Variants in ABCA10 observed in about 807,000 individuals in gnomAD.
ABCA10 encodes the protein ATP binding cassette subfamily A member 10, also known as ATP-binding cassette sub-family A member 10.
Under a neutral mutation model 187.5 loss-of-function variants are expected in ABCA10, and 169 were observed. The observed-to-expected ratio is 0.90, with a 90% CI of 0.80 to 1.02. The LOEUF (loss-of-function observed/expected upper bound fraction) is 1.02. ABCA10 is among the 50% of genes least tolerant of loss of function. The pLI, the probability that ABCA10 is intolerant of heterozygous loss-of-function variation, is 0.00. For synonymous variants in ABCA10, 574 were observed against 601.8 expected (o/e 0.95, Z 0.68); for missense variants, 1,727 against 1,812.4 (o/e 0.95, Z 0.86).
At position 69,217,790 on chromosome 17, in the gene ABCA10, T is replaced by C. The variant is rs529612398; in HGVS notation, c.531-1432A>G. Among the ~76,000 whole-genome samples, 17 of 152,306 alleles carry C rather than the reference T, an allele frequency of 1.1e-4. No homozygotes were observed. The South Asian group carries it at 3.5e-3, about 32-fold the overall frequency. Reference sequence around the variant, plus strand: ...ACTTGCATTTGGCAATGGGTTCTTATAAAAATTTAAAGACCAAAATTCACA... The same window carrying C: ...ACTTGCATTTGGCAATGGGTTCTTACAAAAATTTAAAGACCAAAATTCACA... On this transcript the variant is annotated intron_variant, in intron 6 of 38. Coordinates refer to ENST00000690296, the MANE Select transcript of ABCA10 (RefSeq NM_001377321.1).
intron 8 of ABCA10, among the ~76,000 whole-genome samples, chr17:69,215,111 A>G (rs1411275720): frequency 2.0e-5 from 3 of 152,204 alleles, no homozygotes; most frequent in Non-Finnish European, 4.4e-5. Context: ...TTTAACAAAG[A>G]AAATATGGAG....
rs769832493 is a variant in ABCA10, at chr17:69,155,868, ATCT to A, written c.3510_3512del (p.Glu1170del). On this transcript the variant is annotated inframe_deletion, in exon 29 of 39. Transcript: ENST00000690296. ...GGACTCTTTCAGCTTGAACATCTTC[ATCT>A]TCTTCTTCGGGCTCTTCCGGATTGG... is the stretch of plus-strand genomic sequence containing the variant. The A allele has an allele frequency of 2.7e-5, 44 of 1,613,644 alleles. No individual in the cohort carries two copies. Among genetic ancestry groups the A allele is most frequent in the Middle Eastern group, 1.6e-4 (1 of 6,076 alleles).
intron 11 of ABCA10, chr17:69,196,178 G>C (rs542742094): frequency 6.3e-6 from 1 of 158,066 alleles, no homozygotes; most frequent in Non-Finnish European, 1.4e-5. Context: ...CGGACTGGGC[G>C]GCTGGCCGGG....
chr17:69,164,111 T>C lies in ABCA10; in HGVS notation c.3326A>G (p.Asn1109Ser). ...RNLDSLDNRI[N>S]EVNKTILLTT... ...TAAAAGAATGGTTTTATTGACTTCA[T>C]TTATTCTATTGTCCAGACTGTCCAA... The change falls in exon 27 of 39, where the codon AAT becomes AGT. Residue 1109 changes from asparagine to serine, a missense_variant. Asn to Ser is a conservative substitution (Grantham distance 46). Coordinates refer to ENST00000690296, the MANE Select transcript of ABCA10 (RefSeq NM_001377321.1). The C allele has an allele frequency of 6.3e-7, 1 of 1,591,366 alleles. No homozygotes were observed. The highest frequency in any genetic ancestry group is 8.5e-7 in the Non-Finnish European group (1 of 1,172,460).
chr17:69,223,584 T>A, intron 3 of ABCA10: 1 of 374,890 alleles, frequency 2.7e-6, no homozygotes, highest in Non-Finnish European at 5.2e-6. Context: ...GGGTGAAATC[T>A]ACATTAAGAT....
At chr17:69,166,204 C>A (rs867491503) in intron 25 of ABCA10, among the ~76,000 whole-genome samples, 2 of 152,088 alleles carry the variant, frequency 1.3e-5, no homozygotes, top group South Asian at 4.1e-4. Flanking sequence ...TAAAAAGTGG[C>A]TTCTCATGGT....
intron 27 of ABCA10, 122 bp downstream of exon 27, chr17:69,163,952 G>T: frequency 1.6e-6 from 1 of 634,010 alleles, no homozygotes; most frequent in South Asian, 3.2e-5. Flanking sequence ...CATTATATTG[G>T]AATGGAAAAT....
At chr17:69,170,556 T>G (rs1411606751) in intron 25 of ABCA10, among the ~76,000 whole-genome samples, 2 of 152,164 alleles carry the variant, frequency 1.3e-5, no homozygotes, top group African/African-American at 2.4e-5. Flanking sequence ...TTCTGCATTC[T>G]ATATTTATTC....
At chr17:69,188,011 A>T (rs2074435085) in intron 18 of ABCA10, 132 bp from the exon 19 acceptor site, 1 of 774,520 alleles carries the variant, frequency 1.3e-6, no homozygotes, top group African/African-American at 1.8e-5. Flanking sequence ...CATAATCAAA[A>T]TTTACGTTAA....
chr17:69,182,960 C>T, intron 20 of ABCA10, 152 bp from the exon 21 acceptor site: 8 of 835,132 alleles, frequency 9.6e-6, no homozygotes, highest in Non-Finnish European at 1.4e-5. Flanking sequence ...CAATACTATT[C>T]ATTCTGATGC....
intron 21 of ABCA10, 23 bp downstream of exon 21, chr17:69,182,652 A>C (rs780445298): frequency 1.9e-5 from 30 of 1,548,216 alleles, no homozygotes; most frequent in Admixed American, 6.4e-5. Flanking sequence ...CCAAAAAAAA[A>C]CAGTGCATAG....
rs1424906263 is a variant in ABCA10, at chr17:69,221,878, G to A, written c.217C>T (p.His73Tyr). Residue 73 changes from histidine to tyrosine, a missense_variant, in exon 5 of 39, where the codon CAT becomes TAT. His to Tyr is a moderately conservative substitution (Grantham distance 83, BLOSUM62 2). Coordinates refer to ENST00000690296, the MANE Select transcript of ABCA10 (RefSeq NM_001377321.1). ...SEYTEHCWAM[H>Y]GEIFCYLAKY... ...GCCAAGTAACAAAAAATTTCACCATGCATGGCCCAACAGTGTTCTTTAAGG... is the reference window on the plus strand; with the variant it reads ...GCCAAGTAACAAAAAATTTCACCATACATGGCCCAACAGTGTTCTTTAAGG... 1 of 1,612,642 alleles carries A rather than the reference G, an allele frequency of 6.2e-7. No individual in the cohort carries two copies. The highest frequency in any genetic ancestry group is 1.3e-5 in the African/African-American group (1 of 74,876).
chr17:69,164,425 T>C (rs1421855465), intron 26 of ABCA10, among the ~76,000 whole-genome samples: 2 of 152,188 alleles, frequency 1.3e-5, no homozygotes, highest in African/African-American at 4.8e-5. Context: ...TACAGAACTA[T>C]GAAGTAGGCA....
In ABCA10 at chr17:69,153,328, G is replaced by A. The variant is rs749842617; in HGVS notation, c.4113C>T (p.Asp1371=). ...VLLDEPFTGM[D]PEGQQQMWQI... ...ACCACATTTGCTGCTGCCCCTCGGG[G>A]TCCATCCCGGTGAACGGCTCATCTA... is the stretch of plus-strand genomic sequence containing the variant. Residue 1371 remains aspartate (D), a synonymous_variant, in exon 34 of 39, where the codon GAC becomes GAT. Transcript: ENST00000690296. The A allele has an allele frequency of 6.2e-7, 1 of 1,612,772 alleles. No homozygotes were observed. Among genetic ancestry groups the A allele is most frequent in the Non-Finnish European group, 8.5e-7 (1 of 1,179,448 alleles).
chr17:69,161,631 T>TG (rs1262448792), intron 27 of ABCA10, among the ~76,000 whole-genome samples: 9 of 152,156 alleles, frequency 5.9e-5, no homozygotes, highest in African/African-American at 1.7e-4. Context: ...ATTTCAAATT[T>TG]GGGGGGCAAC....
chr17:69,188,626 TACAG>T (rs1334903620), intron 18 of ABCA10, among the ~76,000 whole-genome samples: 1 of 151,782 alleles, frequency 6.6e-6, no homozygotes, highest in Non-Finnish European at 1.5e-5. Flanking sequence ...GGGTTTGGTG[TACAG>T]ACAATTTTGT....
chr17:69,206,148 T>C (rs2074590099), intron 9 of ABCA10, among the ~76,000 whole-genome samples: 1 of 146,806 alleles, frequency 6.8e-6, no homozygotes, highest in Non-Finnish European at 1.5e-5. Context: ...CCCATCATCA[T>C]GTTGTAGAAA....
chr17:69,174,657 A>C lies in ABCA10; in HGVS notation c.2998T>G (p.Tyr1000Asp). Residue 1000 changes from tyrosine to aspartate, a missense_variant, in exon 24 of 39, where the codon TAC becomes GAC. By Grantham distance (160) the Tyr-to-Asp change is radical. Coordinates refer to ENST00000690296, the MANE Select transcript of ABCA10 (RefSeq NM_001377321.1). ...LILFSIHLIYYFIFLGFQLSW... is the reference protein window; with the variant it reads ...LILFSIHLIYDFIFLGFQLSW... Reference sequence around the variant, plus strand: ...AGCTGGAATCCCAGAAATATGAAGTAGTAAATTAAATGTATTGAAAAGAGA... The same window carrying C: ...AGCTGGAATCCCAGAAATATGAAGTCGTAAATTAAATGTATTGAAAAGAGA... The C allele has an allele frequency of 6.2e-7, 1 of 1,611,766 alleles. No individual in the cohort carries two copies. The highest frequency in any genetic ancestry group is 1.1e-5 in the South Asian group (1 of 90,694).
chr17:69,155,728 T>C (rs2144755852), intron 29 of ABCA10, 77 bp downstream of exon 29: 4 of 1,504,830 alleles, frequency 2.7e-6, no homozygotes, highest in Middle Eastern at 1.9e-4. Flanking sequence ...CTTTTCAAAA[T>C]AAAAACCAAC....
Sources: gnomAD v4.1 joint callset for allele counts (sites outside exome capture counted in the v4.1 genomes callset) on GRCh38, gnomAD v4.1.1 for gene constraint, MANE v1.5 for transcripts, NCBI Gene and HGNC (gene_info 2026-07-23, HGNC 2026-07-21) for gene names.